CDYL: variants seen among roughly 807,000 people sequenced by gnomAD.
The protein encoded by CDYL is chromodomain Y like, also known as chromodomain Y-like protein.
CDYL carries 8 observed loss-of-function variants against 47.3 expected under a neutral mutation model. The observed-to-expected ratio is 0.17, with a 90% confidence interval of 0.10 to 0.31. The LOEUF is 0.31. Ranked by LOEUF, CDYL falls within the 10% of genes least tolerant of loss-of-function variation. CDYL has a pLI of 1.00. For synonymous variants in CDYL, 266 were observed against 265.0 expected (o/e 1.00, Z -0.04); for missense variants, 471 against 701.4 (o/e 0.67, Z 3.71).
chr6:4,730,452 A>C (rs906928208), intron 2 of CDYL, among the ~76,000 whole-genome samples: 1 of 152,064 alleles, frequency 6.6e-6, no homozygotes, highest in East Asian at 1.9e-4. Flanking sequence ...TGAGGCGAGC[A>C]GATCACAAGG....
chr6:4,777,033 G>T (rs1326045432), intron 1 of CDYL, among the ~76,000 whole-genome samples: 3 of 149,002 alleles, frequency 2.0e-5, no homozygotes, highest in African/African-American at 4.9e-5. Context: ...TGGGGGGGGG[G>T]GTCCCAGCCG....
intron 1 of CDYL, among the ~76,000 whole-genome samples, chr6:4,870,641 T>C (rs1287184975): frequency 6.6e-6 from 1 of 152,162 alleles, no homozygotes; most frequent in Non-Finnish European, 1.5e-5. Flanking sequence ...TCCCATTACA[T>C]GTATGTCTGC....
intron 3 of CDYL, among the ~76,000 whole-genome samples, chr6:4,766,116 T>C (rs1758248217): frequency 1.3e-5 from 2 of 152,348 alleles, no homozygotes; most frequent in South Asian, 4.1e-4. Flanking sequence ...TAAAATTTTA[T>C]GAACAATTTT....
chr6:4,856,699 A>G (rs1761018198), intron 1 of CDYL, among the ~76,000 whole-genome samples: 1 of 152,212 alleles, frequency 6.6e-6, no homozygotes. Flanking sequence ...GGATGGCCCC[A>G]GCCCAGAACT....
At chr6:4,783,906 A>G (rs1359349560) in intron 1 of CDYL, among the ~76,000 whole-genome samples, 1 of 152,204 alleles carries the variant, frequency 6.6e-6, no homozygotes, top group African/African-American at 2.4e-5. Flanking sequence ...CATCAGCTCG[A>G]AAATGGATTT....
intron 1 of CDYL, among the ~76,000 whole-genome samples, chr6:4,840,082 C>G (rs966704588): frequency 6.6e-6 from 1 of 152,128 alleles, no homozygotes; most frequent in African/African-American, 2.4e-5. Context: ...ATTGTGTCAT[C>G]TATGATTTCT....
intron 1 of CDYL, among the ~76,000 whole-genome samples, chr6:4,821,926 T>C (rs543005811): frequency 1.3e-5 from 2 of 152,270 alleles, no homozygotes; most frequent in South Asian, 2.1e-4. Flanking sequence ...CAATAACGTA[T>C]GTACCAGCCA....
chr6:4,715,138 T>G (rs894153417), intron 1 of CDYL, among the ~76,000 whole-genome samples: 1 of 152,218 alleles, frequency 6.6e-6, no homozygotes, highest in African/African-American at 2.4e-5. Flanking sequence ...CGTGCCTCTG[T>G]GCCTTGGGCT....
Position 4,815,824 on chromosome 6 carries a change from T to C in CDYL, c.24+39017T>C, listed in dbSNP as rs1045912791. 1.8e-4 allele frequency among the ~76,000 whole-genome samples: 28 copies of C among 152,096 alleles called. No individual in the cohort carries two copies. In the Middle Eastern group the frequency reaches 0.01, roughly 55 times the overall value. On this transcript the variant is annotated intron_variant, in intron 1 of 6. Transcript: ENST00000397588. ...CTAATTTACTGCCTGTTTTGGCTTT[T>C]AAAAATATATGTATTTTTTGCTCTA...
chr6:4,914,340 C>T (rs192845395), intron 2 of CDYL, among the ~76,000 whole-genome samples: 1 of 151,940 alleles, frequency 6.6e-6, no homozygotes, highest in East Asian at 1.9e-4. Flanking sequence ...GGGGGTGGCA[C>T]GTCCTCTCCT....
chr6:4,902,542 C>G (rs1489806344), intron 2 of CDYL, among the ~76,000 whole-genome samples: 4 of 152,188 alleles, frequency 2.6e-5, no homozygotes, highest in Non-Finnish European at 5.9e-5. Flanking sequence ...GCCCAAGATG[C>G]TGCTCACCAG....
chr6:4,780,164 G>C (rs1191803651), intron 1 of CDYL, among the ~76,000 whole-genome samples: 1 of 151,984 alleles, frequency 6.6e-6, no homozygotes, highest in Non-Finnish European at 1.5e-5. Flanking sequence ...TTTCATCCCA[G>C]CTCTAGACTT....
intron 1 of CDYL, among the ~76,000 whole-genome samples, chr6:4,820,738 A>G (rs1456935713): frequency 1.3e-5 from 2 of 152,230 alleles, no homozygotes; most frequent in African/African-American, 4.8e-5. Flanking sequence ...AGTGATTGGA[A>G]GTGATGCCCA....
intron 1 of CDYL, among the ~76,000 whole-genome samples, chr6:4,785,822 G>T (rs1758740668): frequency 6.6e-6 from 1 of 152,208 alleles, no homozygotes; most frequent in African/African-American, 2.4e-5. Context: ...AAAGGAAAAG[G>T]CTCTGCCAGA....
At chr6:4,953,624 A>G (rs1034514462) in intron 6 of CDYL, among the ~76,000 whole-genome samples, 2 of 152,206 alleles carry the variant, frequency 1.3e-5, no homozygotes, top group African/African-American at 4.8e-5. Flanking sequence ...AGTATGCGGC[A>G]GTGGCGCGGG....
intron 1 of CDYL, among the ~76,000 whole-genome samples, chr6:4,821,208 A>G (rs1468969706): frequency 1.3e-5 from 2 of 151,500 alleles, no homozygotes; most frequent in African/African-American, 4.8e-5. Context: ...AGAAAAAAGC[A>G]CAACAAAATG....
chr6:4,750,822 C>T (rs1253520690), intron 3 of CDYL, among the ~76,000 whole-genome samples: 1 of 149,936 alleles, frequency 6.7e-6, no homozygotes, highest in East Asian at 1.9e-4. Context: ...AGATATTTGG[C>T]TTTGAGCAAA....
intron 1 of CDYL, among the ~76,000 whole-genome samples, chr6:4,854,664 G>A (rs562424405): frequency 8.5e-5 from 13 of 152,344 alleles, no homozygotes; most frequent in African/African-American, 3.1e-4. Flanking sequence ...CTTGGGGGAA[G>A]CATGTGCCGT....
chr6:4,718,171 G>A (rs560530523), intron 2 of CDYL, among the ~76,000 whole-genome samples: 2 of 151,922 alleles, frequency 1.3e-5, no homozygotes, highest in South Asian at 2.1e-4. Flanking sequence ...TAAGACATTT[G>A]CAATAACAGA....
Sources: gnomAD v4.1 joint callset for allele counts (sites outside exome capture counted in the v4.1 genomes callset) on GRCh38, gnomAD v4.1.1 for gene constraint, MANE v1.5 for transcripts, NCBI Gene and HGNC (gene_info 2026-07-23, HGNC 2026-07-21) for gene names.